The following ATP8A2 variants were observed in gnomAD, a reference collection of about 807,000 sequenced individuals.
ATP8A2 encodes the protein phospholipid-transporting ATPase IB.
A neutral mutation model predicts 165.6 loss-of-function variants in ATP8A2; 100 were observed. The ratio of observed to expected loss-of-function variants is 0.60; its 90% CI spans 0.51 to 0.71. The LOEUF is 0.71. Among genes scored for constraint, ATP8A2 ranks in the 30% least tolerant of loss-of-function variants. The probability of loss-of-function intolerance (pLI) is 0.00; values close to 1 mark genes in which losing one functional copy is unlikely to be tolerated. For synonymous variants in ATP8A2, 543 were observed against 548.8 expected (o/e 0.99, Z 0.15); for missense variants, 1,227 against 1,479.5 (o/e 0.83, Z 2.80).
At chr13:25,683,279 G>A (rs2042532951) in intron 24 of ATP8A2, among the ~76,000 whole-genome samples, 1 of 152,202 alleles carries the variant, frequency 6.6e-6, no homozygotes, top group Non-Finnish European at 1.5e-5. Context: ...TGAGACTGTA[G>A]TGAGCGATTT....
chr13:25,807,696 C>T (rs182033784), intron 27 of ATP8A2, among the ~76,000 whole-genome samples: 1 of 152,250 alleles, frequency 6.6e-6, no homozygotes, highest in African/African-American at 2.4e-5. Context: ...CTGTATTTCC[C>T]TTGAGTAGAC....
At chr13:25,920,883 C>A (rs568112064) in intron 33 of ATP8A2, among the ~76,000 whole-genome samples, 1 of 152,264 alleles carries the variant, frequency 6.6e-6, no homozygotes, top group South Asian at 2.1e-4. Flanking sequence ...TCGAGACCAG[C>A]CTGGTGAAAA....
In ATP8A2 at chr13:25,753,147, C is replaced by A. The variant is rs115253542; in HGVS notation, c.2385-15899C>A. 7.0e-3 allele frequency among the ~76,000 whole-genome samples: 1,065 copies of A among 152,228 alleles called. 13 individuals carry two copies. Among genetic ancestry groups the A allele is most frequent in the African/African-American group, 0.024 (1,014 of 41,522 alleles). On this transcript the variant is annotated intron_variant, in intron 25 of 36. Coordinates refer to ENST00000381655, the MANE Select transcript of ATP8A2 (RefSeq NM_016529.6). ...GTGGAGGAGTGGGCATGGGGCGCTGCTGATCAGAGAAAGGGTAGCCTGGTG... is the reference window on the plus strand; with the variant it reads ...GTGGAGGAGTGGGCATGGGGCGCTGATGATCAGAGAAAGGGTAGCCTGGTG...
At chr13:25,747,137 T>A (rs1008865584) in intron 25 of ATP8A2, among the ~76,000 whole-genome samples, 28 of 152,226 alleles carry the variant, frequency 1.8e-4, no homozygotes, top group Admixed American at 5.9e-4. Context: ...CAAATTTTTG[T>A]TTTCCTGTAT....
intron 33 of ATP8A2, among the ~76,000 whole-genome samples, chr13:25,907,790 G>A (rs1953988044): frequency 6.6e-6 from 1 of 152,048 alleles, no homozygotes; most frequent in South Asian, 2.1e-4. Flanking sequence ...TCTACACCAA[G>A]GCTAGGCCCT....
intron 27 of ATP8A2, among the ~76,000 whole-genome samples, chr13:25,787,058 C>T (rs530483280): frequency 1.3e-5 from 2 of 152,350 alleles, no homozygotes; most frequent in South Asian, 4.1e-4. Context: ...GCTGGGATTA[C>T]AGGCATGAGC....
intron 34 of ATP8A2, among the ~76,000 whole-genome samples, chr13:25,966,026 T>G (rs936350268): frequency 1.8e-5 from 1 of 55,320 alleles, no homozygotes; most frequent in South Asian, 8.1e-4. Context: ...GGAAAGAGTT[T>G]CAGAAAAAAA....
chr13:25,660,169 A>G (rs138334595), intron 24 of ATP8A2, among the ~76,000 whole-genome samples: 1,605 of 152,276 alleles, frequency 0.011, 26 homozygotes, highest in African/African-American at 0.036. Context: ...GGGAGAAGCC[A>G]GTGGGTTCCT....
Position 25,820,968 on chromosome 13 carries a change from A to G in ATP8A2, c.2680-7150A>G, listed in dbSNP as rs1480945048. ...GGGTTTGTTTTTTTTTTTCTCTACC[A>G]AGTAAATAGTTTCGATGAAATAAAC... is the stretch of plus-strand genomic sequence containing the variant. On this transcript the variant is annotated intron_variant, in intron 27 of 36. Transcript: ENST00000381655. Among the ~76,000 whole-genome samples, 4 of 151,630 alleles carry G rather than the reference A, an allele frequency of 2.6e-5. No homozygotes were observed. The East Asian group carries it at 7.7e-4, about 29-fold the overall frequency.
chr13:25,757,527 A>G (rs994319468), intron 25 of ATP8A2, among the ~76,000 whole-genome samples: 1 of 116,336 alleles, frequency 8.6e-6, no homozygotes, highest in Non-Finnish European at 1.9e-5. Context: ...GTGTGTGTGC[A>G]CACGCACTTA....
At chr13:25,650,797 T>G (rs946922350) in intron 24 of ATP8A2, among the ~76,000 whole-genome samples, 4 of 152,218 alleles carry the variant, frequency 2.6e-5, no homozygotes, top group Non-Finnish European at 4.4e-5. Context: ...CTACATTCAA[T>G]AATTTCCCAA....
intron 24 of ATP8A2, among the ~76,000 whole-genome samples, chr13:25,681,034 A>G (rs908259393): frequency 1.3e-5 from 2 of 152,246 alleles, no homozygotes; most frequent in Admixed American, 6.5e-5. Flanking sequence ...GAGGGAAACA[A>G]TTGGAATTGA....
chr13:25,985,978 A>G (rs1244892573), intron 35 of ATP8A2, among the ~76,000 whole-genome samples: 4 of 152,238 alleles, frequency 2.6e-5, no homozygotes, highest in African/African-American at 9.6e-5. Context: ...ATTTCATGAA[A>G]GCCACGTGCT....
intron 33 of ATP8A2, among the ~76,000 whole-genome samples, chr13:25,878,081 G>A (rs956803668): frequency 3.9e-5 from 6 of 152,130 alleles, no homozygotes; most frequent in African/African-American, 1.2e-4. Context: ...GTTCACTTAC[G>A]CCCTTTAGAT....
Position 25,699,350 on chromosome 13 carries a change from G to C in ATP8A2, c.2384+5G>C. ...CAAAGCGGTCATATGCTGCAGGTAG[G>C]AACCTGCAGGCTGTGCACAGTTCAC... is the stretch of plus-strand genomic sequence containing the variant. On this transcript the variant is annotated splice_donor_5th_base_variant and intron_variant, in intron 25 of 36. Transcript: ENST00000381655. 2 of 1,604,222 alleles carry C rather than the reference G, an allele frequency of 1.2e-6. No homozygotes were observed. Among genetic ancestry groups the C allele is most frequent in the Non-Finnish European group, 1.7e-6 (2 of 1,174,366 alleles).
At chr13:25,459,014 C>G (rs899243624) in intron 1 of ATP8A2, among the ~76,000 whole-genome samples, 1 of 152,162 alleles carries the variant, frequency 6.6e-6, no homozygotes, top group African/African-American at 2.4e-5. Context: ...CAGTCACAGA[C>G]ATAATCCAAA....
intron 24 of ATP8A2, among the ~76,000 whole-genome samples, chr13:25,657,501 G>A (rs372123022): frequency 6.6e-6 from 1 of 152,206 alleles, no homozygotes; most frequent in East Asian, 1.9e-4. Context: ...TCATTGCCAA[G>A]CAGTTGTTTC....
chr13:25,759,331 C>T (rs1048287134), intron 25 of ATP8A2, among the ~76,000 whole-genome samples: 1 of 152,132 alleles, frequency 6.6e-6, no homozygotes, highest in Admixed American at 6.5e-5. Flanking sequence ...TCTCCGTTGT[C>T]ATTAATTTTC....
At position 25,665,584 on chromosome 13, in the gene ATP8A2, CTTG is replaced by C. The variant is rs778043232; in HGVS notation, c.2212-33584_2212-33582del. 6.2e-4 allele frequency among the ~76,000 whole-genome samples: 78 copies of C among 125,104 alleles called. No individual in the cohort carries two copies. In the East Asian group the frequency reaches 9.9e-3, roughly 16 times the overall value. The allele number at this position is 125,104 out of a possible 152,430, so 82.1% of individuals were successfully genotyped here. A position where few individuals can be genotyped will look rare whatever the true frequency, so the allele number is the denominator to read the frequency against. On this transcript the variant is annotated intron_variant, in intron 24 of 36. Coordinates refer to ENST00000381655, the MANE Select transcript of ATP8A2 (RefSeq NM_016529.6). ...GTGAAATGTGGCCAAGGATATGGGA[CTTG>C]TTGTGCCTGTGCCATGTAAGAGCCT...
Sources: gnomAD v4.1 joint callset for allele counts (sites outside exome capture counted in the v4.1 genomes callset) on GRCh38, gnomAD v4.1.1 for gene constraint, MANE v1.5 for transcripts, NCBI Gene and HGNC (gene_info 2026-07-23, HGNC 2026-07-21) for gene names.